The following LY6S variants were observed in gnomAD, a reference collection of about 807,000 sequenced individuals.
LY6S encodes the protein lymphocyte antigen 6 family member S, also known as lymphocyte antigen 6S.
chr8:143,048,918 G>A, the LY6S span, among the ~76,000 whole-genome samples: 4 of 152,198 alleles, frequency 2.6e-5, no homozygotes, highest in Admixed American at 1.3e-4. Context: ...GGACTGCATC[G>A]GGTATTCCAG....
the LY6S span, among the ~76,000 whole-genome samples, chr8:143,055,773 G>C: frequency 6.6e-6 from 1 of 152,116 alleles, no homozygotes; most frequent in East Asian, 1.9e-4. Context: ...ACTTCTCCCA[G>C]ACCACACAGC....
chr8:143,067,906 A>G, the LY6S span, among the ~76,000 whole-genome samples: 1 of 152,230 alleles, frequency 6.6e-6, no homozygotes, highest in Non-Finnish European at 1.5e-5. Context: ...CCATCTCAGA[A>G]TAGAACTAAC....
the LY6S span, chr8:143,043,410 C>G: frequency 2.5e-6 from 1 of 404,182 alleles, no homozygotes; most frequent in African/African-American, 2.1e-5. Flanking sequence ...CAGGGAGGCT[C>G]CGCACCCCAA....
chr8:143,046,714 G>A, the LY6S span, among the ~76,000 whole-genome samples: 3 of 151,762 alleles, frequency 2.0e-5, no homozygotes, highest in Admixed American at 6.6e-5. Flanking sequence ...ATAGTTTAGA[G>A]TAAGGATGGG....
At chr8:143,043,883 C>T in the LY6S span, among the ~76,000 whole-genome samples, 14,120 of 152,226 alleles carry the variant, frequency 0.093, 876 homozygotes, top group Middle Eastern at 0.2. Context: ...CCATGTTGGT[C>T]AGGCTGGTCT....
the LY6S span, among the ~76,000 whole-genome samples, chr8:143,070,378 A>AATATAT: frequency 8.4e-6 from 1 of 119,678 alleles, no homozygotes; most frequent in Non-Finnish European, 1.6e-5. Flanking sequence ...TATATATATA[A>AATATAT]ATATATATAT....
the LY6S span, among the ~76,000 whole-genome samples, chr8:143,045,292 C>T: frequency 3.9e-5 from 6 of 152,292 alleles, no homozygotes; most frequent in East Asian, 1.9e-4. The surrounding 1 kb of genome is among the most constrained non-coding windows in gnomAD (Gnocchi z 5.3). Context: ...TCTCTCCATG[C>T]TCAGCAGGGC....
At chr8:143,044,039 G>A in the LY6S span, 6 of 431,156 alleles carry the variant, frequency 1.4e-5, no homozygotes, top group African/African-American at 1.2e-4. Context: ...GCAGCTCCGA[G>A]AGCTGAGGGT....
At chr8:143,049,364 T>C in the LY6S span, 1 of 496,346 alleles carries the variant, frequency 2.0e-6, no homozygotes, top group African/African-American at 1.9e-5. Context: ...TAGCTGACAA[T>C]GAAAAGTGGT....
the LY6S span, among the ~76,000 whole-genome samples, chr8:143,044,477 C>A: frequency 4.2e-4 from 64 of 152,214 alleles, no homozygotes; most frequent in African/African-American, 1.5e-3. Context: ...GTGGCCCAGG[C>A]TCCTCAGCCC....
chr8:143,055,533 G>C, the LY6S span, among the ~76,000 whole-genome samples: 2 of 152,004 alleles, frequency 1.3e-5, no homozygotes, highest in Non-Finnish European at 2.9e-5. Flanking sequence ...GGCTCATCTT[G>C]AAAGATCAAT....
chr8:143,072,340 G>A, the LY6S span, among the ~76,000 whole-genome samples: 5 of 127,098 alleles, frequency 3.9e-5, no homozygotes, highest in Admixed American at 8.7e-5. Context: ...GACAGCCGTC[G>A]TCCTCGGGGT....
At chr8:143,072,374 G>A in the LY6S span, among the ~76,000 whole-genome samples, 1 of 131,262 alleles carries the variant, frequency 7.6e-6, no homozygotes, top group Non-Finnish European at 1.6e-5. Flanking sequence ...GACAGCCGTC[G>A]TCCTCGGGAT....
At chr8:143,066,143 G>T in the LY6S span, 1 of 159,548 alleles carries the variant, frequency 6.3e-6, no homozygotes. Context: ...TGTTTCCAAT[G>T]ATGAATTTCT....
chr8:143,065,779 T>TTCTTTC, the LY6S span: 1 of 42,024 alleles, frequency 2.4e-5, no homozygotes, highest in East Asian at 1.8e-3. Flanking sequence ...TTCTCTTTCT[T>TTCTTTC]TCTTTTTCTT....
the LY6S span, among the ~76,000 whole-genome samples, chr8:143,065,013 T>C: frequency 6.6e-6 from 1 of 152,186 alleles, no homozygotes; most frequent in Non-Finnish European, 1.5e-5. Flanking sequence ...TCCCTGTCTG[T>C]AGGGAGGGTT....
At chr8:143,074,672 C>A in the LY6S span, among the ~76,000 whole-genome samples, 1 of 152,094 alleles carries the variant, frequency 6.6e-6, no homozygotes, top group Non-Finnish European at 1.5e-5. Context: ...TATTGTAAAG[C>A]ATTTGTCTGC....
chr8:143,055,881 C>T, the LY6S span, among the ~76,000 whole-genome samples: 1 of 152,122 alleles, frequency 6.6e-6, no homozygotes, highest in Non-Finnish European at 1.5e-5. Context: ...TTTCTCCTTA[C>T]AGTAAGGCGG....
the LY6S span, among the ~76,000 whole-genome samples, chr8:143,045,158 C>T: frequency 7.2e-5 from 11 of 152,270 alleles, no homozygotes; most frequent in African/African-American, 2.6e-4. The surrounding 1 kb of genome is among the most constrained non-coding windows in gnomAD (Gnocchi z 5.3). Context: ...ACCGGAACAC[C>T]GAAGCCCGCC....
Sources: allele counts gnomAD v4.1 joint callset (sites outside exome capture counted in the v4.1 genomes callset), GRCh38; gene constraint gnomAD v4.1.1; non-coding constraint Gnocchi (gnomAD v3.1); transcripts MANE v1.5; gene names NCBI Gene and HGNC (gene_info 2026-07-23, HGNC 2026-07-21).